The following CADPS variants were observed in gnomAD, a reference collection of about 807,000 sequenced individuals.
CADPS encodes the protein calcium-dependent secretion activator 1.
Under a neutral mutation model 167.3 loss-of-function variants are expected in CADPS, and 57 were observed. The ratio of observed to expected loss-of-function variants is 0.34; its 90% CI spans 0.28 to 0.42. The LOEUF (loss-of-function observed/expected upper bound fraction) is 0.42. Ranked by LOEUF, CADPS falls within the 20% of genes least tolerant of loss-of-function variation. CADPS has a pLI of 1.00. For synonymous variants in CADPS, 676 were observed against 635.3 expected (o/e 1.06, Z -0.96); for missense variants, 1,414 against 1,738.1 (o/e 0.81, Z 3.32).
At chr3:62,822,228 G>A (rs1272606883) in intron 1 of CADPS, among the ~76,000 whole-genome samples, 1 of 152,126 alleles carries the variant, frequency 6.6e-6, no homozygotes, top group African/African-American at 2.4e-5. Context: ...CAAAGCAGAG[G>A]GGATTATTTA....
At chr3:62,539,027 A>G (rs1276763810) in intron 11 of CADPS, among the ~76,000 whole-genome samples, 1 of 152,200 alleles carries the variant, frequency 6.6e-6, no homozygotes, top group African/African-American at 2.4e-5. Flanking sequence ...AAAGCCTAAA[A>G]TCAGCCTGCT....
intron 1 of CADPS, among the ~76,000 whole-genome samples, chr3:62,794,604 T>G (rs561247765): frequency 1.3e-5 from 2 of 152,190 alleles, no homozygotes; most frequent in East Asian, 3.9e-4. Context: ...CAGTAAATAT[T>G]AGCTATTCTT....
At chr3:62,845,465 GA>G (rs560243457) in intron 1 of CADPS, among the ~76,000 whole-genome samples, 85 of 152,242 alleles carry the variant, frequency 5.6e-4, no homozygotes, top group African/African-American at 1.9e-3. Flanking sequence ...TTTTGAAGAT[GA>G]AATAAGATTA....
chr3:62,765,227 A>G (rs72878388), intron 2 of CADPS, among the ~76,000 whole-genome samples: 2,771 of 152,320 alleles, frequency 0.018, 92 homozygotes, highest in African/African-American at 0.063. Flanking sequence ...AACAAAATTT[A>G]AAAATATTTG....
chr3:62,592,109 C>T (rs1166498828), intron 7 of CADPS, among the ~76,000 whole-genome samples: 1 of 152,194 alleles, frequency 6.6e-6, no homozygotes, highest in Non-Finnish European at 1.5e-5. Context: ...ACCACTACAG[C>T]ATACATCCAC....
At chr3:62,528,884 C>T (rs1431441802) in intron 13 of CADPS, among the ~76,000 whole-genome samples, 3 of 152,144 alleles carry the variant, frequency 2.0e-5, no homozygotes, top group African/African-American at 4.8e-5. Flanking sequence ...TGTGGCTGGG[C>T]GCGGTGGCTC....
Position 62,523,286 on chromosome 3 carries a change from C to G in CADPS, c.2292-5036G>C, listed in dbSNP as rs148813695. Among the ~76,000 whole-genome samples, 799 of 152,124 alleles carry G rather than the reference C, an allele frequency of 5.3e-3. 6 individuals carry two copies. Among genetic ancestry groups the G allele is most frequent in the African/African-American group, 0.018 (753 of 41,494 alleles). ...TTCTCTTTTTCCCAAATGCTTCTGA[C>G]CTGGAGTTTATTAACTAATATCTAT... On this transcript the variant is annotated intron_variant, in intron 13 of 29. Coordinates refer to ENST00000383710, the MANE Select transcript of CADPS (RefSeq NM_003716.4).
At chr3:62,527,023 A>G (rs1351232486) in intron 13 of CADPS, among the ~76,000 whole-genome samples, 2 of 152,348 alleles carry the variant, frequency 1.3e-5, no homozygotes, top group East Asian at 3.9e-4. Context: ...GTAAAAGTGC[A>G]GATTCCCAGC....
At chr3:62,870,888 G>T (rs1221753550) in intron 1 of CADPS, among the ~76,000 whole-genome samples, 1 of 152,078 alleles carries the variant, frequency 6.6e-6, no homozygotes, top group Non-Finnish European at 1.5e-5. Flanking sequence ...GCTTTGCCAT[G>T]CCAACTTCTA....
chr3:62,798,678 T>C lies in CADPS; in HGVS notation c.442-32694A>G, dbSNP rs111399273. On this transcript the variant is annotated intron_variant, in intron 1 of 29. Coordinates refer to ENST00000383710, the MANE Select transcript of CADPS (RefSeq NM_003716.4). ...ATCTTTTAAAGTTCAGCCCAAATGTTACCCCTGTGAAGCTTCCCTCAATAT... is the reference window on the plus strand; with the variant it reads ...ATCTTTTAAAGTTCAGCCCAAATGTCACCCCTGTGAAGCTTCCCTCAATAT... Among the ~76,000 whole-genome samples, 329 of 143,290 alleles carry C rather than the reference T, an allele frequency of 2.3e-3. 1 individual carries two copies. The highest frequency in any genetic ancestry group is 3.4e-3 in the Non-Finnish European group (229 of 67,898). 94.0% of individuals were successfully genotyped at this position (143,290 alleles called of 152,430 possible).
At chr3:62,588,376 T>C (rs2085149677) in intron 7 of CADPS, among the ~76,000 whole-genome samples, 1 of 151,696 alleles carries the variant, frequency 6.6e-6, no homozygotes, top group African/African-American at 2.4e-5. Context: ...TCCCTTATGC[T>C]TTGTGAGGTT....
At chr3:62,603,731 C>T (rs1458632157) in intron 6 of CADPS, among the ~76,000 whole-genome samples, 2 of 152,156 alleles carry the variant, frequency 1.3e-5, no homozygotes, top group Non-Finnish European at 2.9e-5. Flanking sequence ...TCCATTAGAA[C>T]TCTAAGCATA....
rs199572082 is a variant in CADPS at position 62,420,831 on chromosome 3, A to AT, written c.3777+17272dup. Among the ~76,000 whole-genome samples the AT allele has an allele frequency of 2.7e-5, 4 of 146,364 alleles. No homozygotes were observed. In the South Asian group the frequency reaches 8.8e-4, roughly 32 times the overall value. Reference sequence around the variant, plus strand: ...TCTACTTCTCACTGCATATGACTCTATTTTTTTTCTCTTTATGGGAGGGAG... The same window carrying AT: ...TCTACTTCTCACTGCATATGACTCTATTTTTTTTTCTCTTTATGGGAGGGAG... On this transcript the variant is annotated intron_variant, in intron 28 of 29. Coordinates refer to ENST00000383710, the MANE Select transcript of CADPS (RefSeq NM_003716.4). The surrounding 1 kb of genome is among the most constrained non-coding windows in gnomAD (Gnocchi z 4.1).
intron 16 of CADPS, 107 bp downstream of exon 16, chr3:62,515,952 A>T: frequency 1.5e-6 from 2 of 1,361,292 alleles, no homozygotes; most frequent in Non-Finnish European, 1.0e-6. Flanking sequence ...AGCTTAATAT[A>T]CTCAGACGGA....
At chr3:62,543,805 T>C (rs946068052) in intron 11 of CADPS, among the ~76,000 whole-genome samples, 2 of 152,088 alleles carry the variant, frequency 1.3e-5, no homozygotes, top group Non-Finnish European at 2.9e-5. Flanking sequence ...CCGTCTAACG[T>C]CAAGTCTTTC....
At chr3:62,768,957 C>A (rs2087722634) in intron 1 of CADPS, among the ~76,000 whole-genome samples, 1 of 152,142 alleles carries the variant, frequency 6.6e-6, no homozygotes. Flanking sequence ...TTGCTTATGT[C>A]TGGGTTTTGC....
At chr3:62,638,077 T>TTATATATATA (rs928423543) in intron 6 of CADPS, among the ~76,000 whole-genome samples, 1,437 of 36,446 alleles carry the variant, frequency 0.039, 17 homozygotes, top group South Asian at 0.14. Context: ...GTTTTAAGCA[T>TTATATATATA]TATATATATA....
At chr3:62,760,131 T>A (rs1315019885) in intron 2 of CADPS, among the ~76,000 whole-genome samples, 2 of 152,084 alleles carry the variant, frequency 1.3e-5, no homozygotes, top group Non-Finnish European at 2.9e-5. Context: ...TTCTATCAAC[T>A]TTCAACTCTC....
intron 3 of CADPS, among the ~76,000 whole-genome samples, chr3:62,751,345 A>G (rs758995448): frequency 1.3e-5 from 2 of 152,218 alleles, no homozygotes; most frequent in Non-Finnish European, 1.5e-5. Context: ...CCTAATTTCT[A>G]TTGATATGAA....
Sources: allele counts gnomAD v4.1 joint callset (sites outside exome capture counted in the v4.1 genomes callset), GRCh38; gene constraint gnomAD v4.1.1; non-coding constraint Gnocchi (gnomAD v3.1); transcripts MANE v1.5; gene names NCBI Gene and HGNC (gene_info 2026-07-23, HGNC 2026-07-21).